The following ATP2B1 variants were observed in gnomAD, a reference collection of about 807,000 sequenced individuals.
The protein encoded by ATP2B1 is ATPase plasma membrane Ca2+ transporting 1, also known as plasma membrane calcium-transporting ATPase 1.
ATP2B1 carries 14 observed loss-of-function variants against 124.2 expected under a neutral mutation model. That is an observed-to-expected ratio of 0.11 (90% CI 0.07 to 0.18). The LOEUF (loss-of-function observed/expected upper bound fraction) is 0.18. ATP2B1 is among the 10% of genes least tolerant of loss of function. ATP2B1 has a pLI of 1.00. For synonymous variants in ATP2B1, 449 were observed against 492.4 expected, an observed-to-expected ratio of 0.91 and a Z score of 1.17; for missense variants, 763 against 1,466.1, an observed-to-expected ratio of 0.52 and a Z score of 7.83.
intron 15 of ATP2B1, among the ~76,000 whole-genome samples, chr12:89,606,574 T>TA (rs972765492): frequency 8.8e-5 from 13 of 147,088 alleles, no homozygotes; most frequent in African/African-American, 3.0e-4. Context: ...ATGTCCCACT[T>TA]TTTTTTTTTT....
chr12:89,674,835 T>G (rs1888420404), intron 1 of ATP2B1, among the ~76,000 whole-genome samples: 1 of 152,172 alleles, frequency 6.6e-6, no homozygotes, highest in Non-Finnish European at 1.5e-5. Flanking sequence ...CACACCTCTC[T>G]GAGACAATCA....
Position 89,603,291 on chromosome 12 carries a change from T to C in ATP2B1, c.2849-37A>G. 1 of 1,481,944 alleles carries C rather than the reference T, an allele frequency of 6.7e-7. No homozygotes were observed. The highest frequency in any genetic ancestry group is 9.1e-7 in the Non-Finnish European group (1 of 1,096,416). The allele number at this position is 1,481,944 out of a possible 1,614,324, so 91.8% of individuals were successfully genotyped here. Reference sequence around the variant, plus strand: ...AAAAATGACTATTTTGTAATTATCATACCAAATTAGATTTCAAGGAGGTAT... The same window carrying C: ...AAAAATGACTATTTTGTAATTATCACACCAAATTAGATTTCAAGGAGGTAT... On this transcript the variant is annotated intron_variant, in intron 17 of 20. Transcript: ENST00000428670. The surrounding 1 kb of genome is among the most constrained non-coding windows in gnomAD (Gnocchi z 4.3).
chr12:89,601,889 T>TA (rs1176242892), intron 18 of ATP2B1, among the ~76,000 whole-genome samples: 1 of 152,148 alleles, frequency 6.6e-6, no homozygotes, highest in Non-Finnish European at 1.5e-5. Context: ...TGCACAATAT[T>TA]AAAAAAATTC....
At chr12:89,660,824 C>T (rs895129337) in intron 1 of ATP2B1, among the ~76,000 whole-genome samples, 2 of 152,092 alleles carry the variant, frequency 1.3e-5, no homozygotes, top group African/African-American at 4.8e-5. Context: ...TGAGGAAGAC[C>T]TCAAACCATT....
rs563113412 is a variant in ATP2B1, at chr12:89,589,420, A to G, written c.*1564T>C. ...CAATTGGCTTAGAGGTGGGCATTCT[A>G]GCATATGGTTAATTATTGCATCTAA... is the stretch of plus-strand genomic sequence containing the variant. On this transcript the variant is annotated 3_prime_UTR_variant, in exon 21 of 21. Transcript: ENST00000428670. The G allele has an allele frequency of 6.6e-6, 1 of 152,376 alleles. No homozygotes were observed. The highest frequency in any genetic ancestry group is 1.5e-5 in the Non-Finnish European group (1 of 68,000). The allele number at this position is 152,376 out of a possible 1,614,324, so 9.4% of individuals were successfully genotyped here. A position where few individuals can be genotyped will look rare whatever the true frequency, so the allele number is the denominator to read the frequency against.
At chr12:89,692,222 T>C (rs1890632924) in intron 1 of ATP2B1, among the ~76,000 whole-genome samples, 1 of 152,060 alleles carries the variant, frequency 6.6e-6, no homozygotes, top group Non-Finnish European at 1.5e-5. Flanking sequence ...TCTTAATCAA[T>C]GGCCAAAATG....
intron 11 of ATP2B1, among the ~76,000 whole-genome samples, chr12:89,618,390 TG>T (rs2136063228): frequency 6.6e-6 from 1 of 152,258 alleles, no homozygotes; most frequent in East Asian, 1.9e-4. Flanking sequence ...ATGAGAAAAA[TG>T]GAAGTAAGGG....
intron 3 of ATP2B1, among the ~76,000 whole-genome samples, chr12:89,636,456 A>AT (rs2136202988): frequency 6.6e-6 from 1 of 152,330 alleles, no homozygotes; most frequent in African/African-American, 2.4e-5. Context: ...GCATGAAGGA[A>AT]TACAGGCTTC....
chr12:89,658,646 A>AGAGAGAGAGG (rs1221186665), intron 1 of ATP2B1, among the ~76,000 whole-genome samples: 1 of 136,124 alleles, frequency 7.3e-6, no homozygotes, highest in Non-Finnish European at 1.6e-5. Context: ...AGAGAGAGAG[A>AGAGAGAGAGG]GATAGAGATA....
Position 89,591,130 on chromosome 12 carries a change from T to A in ATP2B1, c.3517A>T (p.Thr1173Ser), listed in dbSNP as rs1276734987. ...GGTGGAGGACTGGAGTTACGTTTTG[T>A]AGGAGCATCATCTTCGGCATCAGTG... The part of the protein sequence containing the change: ...DDTDAEDDAP[T>S]KRNSSPPPSP... Residue 1173 changes from threonine to serine, a missense_variant, in exon 21 of 21, where the codon ACA becomes TCA. Physicochemically the swap from Thr to Ser is moderately conservative, Grantham distance 58. This residue lies in a region of ATP2B1 where 97 missense variants were observed against 94.7 expected (regional missense o/e 1.02). Coordinates refer to ENST00000428670, the MANE Select transcript of ATP2B1 (RefSeq NM_001366521.1). 3 of 1,613,180 alleles carry A rather than the reference T, an allele frequency of 1.9e-6. No homozygotes were observed. The Admixed American group carries it at 5.0e-5, about 27-fold the overall frequency.
chr12:89,674,322 G>A (rs1037326791), intron 1 of ATP2B1, among the ~76,000 whole-genome samples: 53 of 149,854 alleles, frequency 3.5e-4, no homozygotes, highest in African/African-American at 1.3e-3. Context: ...TTCACACAGG[G>A]TTCAAAGCAG....
intron 8 of ATP2B1, among the ~76,000 whole-genome samples, chr12:89,624,941 T>A (rs549876976): frequency 7.6e-4 from 115 of 152,306 alleles, no homozygotes; most frequent in African/African-American, 2.7e-3. Flanking sequence ...ACCATGTATC[T>A]TGTGGGATAC....
intron 1 of ATP2B1, among the ~76,000 whole-genome samples, chr12:89,667,666 T>C (rs999909321): frequency 2.6e-5 from 4 of 152,202 alleles, no homozygotes; most frequent in Admixed American, 2.6e-4. Flanking sequence ...GTTTACAGTC[T>C]AAATGAGGGA....
chr12:89,653,957 G>C (rs895326629), intron 2 of ATP2B1, among the ~76,000 whole-genome samples: 2 of 152,152 alleles, frequency 1.3e-5, no homozygotes, highest in African/African-American at 4.8e-5. Context: ...TGAAACTAAA[G>C]TTCAATATTG....
intron 1 of ATP2B1, among the ~76,000 whole-genome samples, chr12:89,701,624 T>C (rs909642590): frequency 1.3e-5 from 2 of 152,246 alleles, no homozygotes; most frequent in African/African-American, 2.4e-5. Flanking sequence ...GATAGCTACA[T>C]ACATTTCACA....
chr12:89,620,272 C>G (rs774632164), intron 10 of ATP2B1, 32 bp from the exon 11 acceptor site: 1 of 1,606,234 alleles, frequency 6.2e-7, no homozygotes, highest in South Asian at 1.1e-5. Flanking sequence ...TAGCTAGTAT[C>G]TCGTTTCTCT....
chr12:89,689,849 T>C (rs1287135025), intron 1 of ATP2B1, among the ~76,000 whole-genome samples: 1 of 152,142 alleles, frequency 6.6e-6, no homozygotes, highest in Non-Finnish European at 1.5e-5. Flanking sequence ...ATATCAAAAG[T>C]TTAGCAAATG....
chr12:89,705,624 A>G (rs1892359890), intron 1 of ATP2B1, among the ~76,000 whole-genome samples: 1 of 152,202 alleles, frequency 6.6e-6, no homozygotes. Flanking sequence ...TGTCAGTCAA[A>G]GGAAATTAGT....
chr12:89,670,131 A>T (rs1306198371), intron 1 of ATP2B1, among the ~76,000 whole-genome samples: 1 of 152,178 alleles, frequency 6.6e-6, no homozygotes, highest in African/African-American at 2.4e-5. Flanking sequence ...CACAATATTC[A>T]GGGGGAAAGC....
Sources: allele counts gnomAD v4.1 joint callset (sites outside exome capture counted in the v4.1 genomes callset), GRCh38; gene constraint gnomAD v4.1.1; regional missense constraint gnomAD v4.1.1; non-coding constraint Gnocchi (gnomAD v3.1); transcripts MANE v1.5; gene names NCBI Gene and HGNC (gene_info 2026-07-23, HGNC 2026-07-21).